BSN: variants seen among roughly 807,000 people sequenced by gnomAD.
The protein encoded by BSN is protein bassoon.
A neutral mutation model predicts 264.8 loss-of-function variants in BSN; 57 were observed. That is an observed-to-expected ratio of 0.22 (90% CI 0.17 to 0.27). The LOEUF (loss-of-function observed/expected upper bound fraction) is 0.27. Ranked by LOEUF, BSN falls within the 10% of genes least tolerant of loss-of-function variation. The probability of loss-of-function intolerance (pLI) is 1.00; values close to 1 mark genes in which losing one functional copy is unlikely to be tolerated. For synonymous variants in BSN, 2,059 were observed against 2,137.3 expected (o/e 0.96, Z 1.01); for missense variants, 4,615 against 5,232.5 (o/e 0.88, Z 3.64).
In BSN at chr3:49,654,337, A is replaced by G. The variant is rs1559615814; in HGVS notation, c.4781A>G (p.Tyr1594Cys). The G allele has an allele frequency of 1.2e-6, 2 of 1,613,494 alleles. No individual in the cohort carries two copies. The highest frequency in any genetic ancestry group is 1.7e-6 in the Non-Finnish European group (2 of 1,179,880). Residue 1594 changes from tyrosine to cysteine, a missense_variant, in exon 5 of 12, where the codon TAC (tyrosine) becomes TGC (cysteine). By Grantham distance (194) the Tyr-to-Cys change is radical. Coordinates refer to ENST00000296452, the MANE Select transcript of BSN (RefSeq NM_003458.4). This position sits in a 1 kb window ranked among gnomAD's most constrained non-coding sequence, Gnocchi z 4.1. ...PTETQPTTHG[Y>C]SQTTPPSVSQ... ...GAAACCCAGCCCACCACCCATGGCT[A>G]CAGCCAGACAACACCTCCGAGTGTG...
intron 5 of BSN, among the ~76,000 whole-genome samples, chr3:49,659,810 G>C (rs77271516): frequency 4.1e-4 from 63 of 152,274 alleles, no homozygotes; most frequent in Non-Finnish European, 8.1e-4. Context: ...CAGGTTGACC[G>C]AGGGACATGG....
In BSN at chr3:49,662,162, G is replaced by C; in HGVS notation, c.10317G>C (p.Gly3439=). The change falls in exon 6 of 12, where the codon GGG becomes GGC. Residue 3439 remains glycine, a synonymous_variant. Coordinates refer to ENST00000296452, the MANE Select transcript of BSN (RefSeq NM_003458.4). Reference sequence around the variant, plus strand: ...TGGAGGACGACCGCATTTATGGCGGGAGCAGCCGGTCCCGGGCACCTTCTG... The same window carrying C: ...TGGAGGACGACCGCATTTATGGCGGCAGCAGCCGGTCCCGGGCACCTTCTG... ...DAVEDDRIYG[G]SSRSRAPSAY... 1 of 1,612,614 alleles carries C rather than the reference G, an allele frequency of 6.2e-7. No homozygotes were observed. Among genetic ancestry groups the C allele is most frequent in the Non-Finnish European group, 8.5e-7 (1 of 1,179,822 alleles).
chr3:49,662,072 C>T lies in BSN; in HGVS notation c.10227C>T (p.Thr3409=), dbSNP rs1441181469. ...GCAGGAAGTTCCAGGATGAAATCACCTATGGGCTCAAGAAGAACGTGTATG... is the reference window on the plus strand; with the variant it reads ...GCAGGAAGTTCCAGGATGAAATCACTTATGGGCTCAAGAAGAACGTGTATG... ...SRGRKFQDEI[T]YGLKKNVYEQ... Residue 3409 remains threonine, a synonymous_variant, in exon 6 of 12, where the codon ACC becomes ACT. Transcript: ENST00000296452. 1.2e-6 allele frequency: 2 copies of T among 1,613,646 alleles called. No homozygotes were observed. Among genetic ancestry groups the T allele is most frequent in the South Asian group, 2.2e-5 (2 of 91,092 alleles).
At chr3:49,603,323 C>G (rs2052086509) in intron 1 of BSN, among the ~76,000 whole-genome samples, 1 of 152,216 alleles carries the variant, frequency 6.6e-6, no homozygotes, top group African/African-American at 2.4e-5. Context: ...CCTAGGTAAA[C>G]TGTTCCTCCT....
chr3:49,654,429 G>T lies in BSN; in HGVS notation c.4873G>T (p.Gly1625Trp). Residue 1625 changes from glycine to tryptophan, a missense_variant, in exon 5 of 12, where the codon GGG becomes TGG. Around this residue, in one of 3 missense-constraint regions of BSN, gnomAD observed 3,415 missense variants for 3,866.4 expected, o/e 0.88. Transcript: ENST00000296452. This position sits in a 1 kb window ranked among gnomAD's most constrained non-coding sequence, Gnocchi z 4.1. ...ACGGGTGCCCAGTGCTGGTGCAGAT[G>T]GGCCCCTGGCACTATATGGCTGGGG... Reference protein sequence around the residue: ...FPRVPSAGADGPLALYGWGAL... With the variant: ...FPRVPSAGADWPLALYGWGAL... 1 of 1,600,362 alleles carries T rather than the reference G, an allele frequency of 6.2e-7. No homozygotes were observed. Among genetic ancestry groups the T allele is most frequent in the Non-Finnish European group, 8.5e-7 (1 of 1,174,110 alleles).
intron 1 of BSN, among the ~76,000 whole-genome samples, chr3:49,613,014 T>C (rs1326267693): frequency 1.3e-5 from 2 of 152,026 alleles, no homozygotes. Flanking sequence ...ATGCCTATAA[T>C]CCCAGCTACT....
chr3:49,559,684 T>G (rs958156770), intron 1 of BSN, among the ~76,000 whole-genome samples: 1 of 152,234 alleles, frequency 6.6e-6, no homozygotes, highest in African/African-American at 2.4e-5. Flanking sequence ...TTTTGCTCCT[T>G]GCAGTTTATT....
intron 11 of BSN, among the ~76,000 whole-genome samples, chr3:49,666,830 G>A (rs1347524568): frequency 6.6e-6 from 1 of 152,202 alleles, no homozygotes; most frequent in Non-Finnish European, 1.5e-5. Context: ...AAGGAGCCTG[G>A]AATTTATTCT....
At chr3:49,607,458 A>G (rs1023905167) in intron 1 of BSN, among the ~76,000 whole-genome samples, 1 of 152,178 alleles carries the variant, frequency 6.6e-6, no homozygotes. Flanking sequence ...GCTTGGCAGT[A>G]TATTACTCAT....
intron 1 of BSN, among the ~76,000 whole-genome samples, chr3:49,616,802 CTCG>C (rs2052262804): frequency 6.6e-6 from 1 of 152,218 alleles, no homozygotes; most frequent in African/African-American, 2.4e-5. Context: ...TGACGCTGGC[CTCG>C]TGCCTTTCTG....
chr3:49,573,032 G>A (rs999884138), intron 1 of BSN, among the ~76,000 whole-genome samples: 1 of 152,222 alleles, frequency 6.6e-6, no homozygotes. Flanking sequence ...TTTCCTAGGT[G>A]CAATGCCAGG....
rs1334290756 is a variant in BSN at position 49,650,705 on chromosome 3, C to G, written c.1612C>G (p.Gln538Glu). The change falls in exon 4 of 12, where the codon CAG becomes GAG. Residue 538 changes from glutamine (Q) to glutamate (E), a missense_variant. Transcript: ENST00000296452. ...PTPLPPPTSQ[Q>E]PPVGAPHRAS... The stretch of plus-strand genomic sequence containing the variant: ...CCCCCTGCCGCCGCCCACCTCACAG[C>G]AGCCCCCTGTAGGGGCCCCTCACCG... The G allele has an allele frequency of 6.2e-7, 1 of 1,612,514 alleles. No homozygotes were observed. The highest frequency in any genetic ancestry group is 8.5e-7 in the Non-Finnish European group (1 of 1,179,620).
Position 49,642,691 on chromosome 3 carries a change from C to T in BSN, c.1057C>T (p.Leu353Phe). Residue 353 changes from leucine (L) to phenylalanine (F), a missense_variant, in exon 3 of 12, where the codon CTT (leucine) becomes TTT (phenylalanine). By Grantham distance (22) the Leu-to-Phe change is conservative. Around this residue, in one of 3 missense-constraint regions of BSN, gnomAD observed 1,197 missense variants for 1,348.0 expected, o/e 0.89. Coordinates refer to ENST00000296452, the MANE Select transcript of BSN (RefSeq NM_003458.4). This position sits in a 1 kb window ranked among gnomAD's most constrained non-coding sequence, Gnocchi z 7.0. ...GGGCCTCACTGGTAAGCTCTTCGGCCTTGGCGCGTCACTGCTAACCCAGGC... is the reference window on the plus strand; with the variant it reads ...GGGCCTCACTGGTAAGCTCTTCGGCTTTGGCGCGTCACTGCTAACCCAGGC... ...QEGLTGKLFG[L>F]GASLLTQAST... 1.2e-6 allele frequency: 2 copies of T among 1,612,936 alleles called. No homozygotes were observed. Among genetic ancestry groups the T allele is most frequent in the Admixed American group, 1.7e-5 (1 of 59,976 alleles).
chr3:49,574,545 T>A (rs1417511148), intron 1 of BSN, among the ~76,000 whole-genome samples: 1 of 151,872 alleles, frequency 6.6e-6, no homozygotes, highest in Non-Finnish European at 1.5e-5. Flanking sequence ...GCGAGTCTCC[T>A]GCCTCAGCCT....
chr3:49,604,180 TC>T, intron 1 of BSN, among the ~76,000 whole-genome samples: 1 of 152,110 alleles, frequency 6.6e-6, no homozygotes, highest in South Asian at 2.1e-4. Flanking sequence ...TGCCTCAGCC[TC>T]CTGAGTAGCT....
chr3:49,633,301 C>CAA (rs77435983), intron 2 of BSN, among the ~76,000 whole-genome samples: 4 of 81,058 alleles, frequency 4.9e-5, no homozygotes, highest in African/African-American at 4.6e-5. Context: ...GACTCTGTCT[C>CAA]AAAAAAAAAA....
chr3:49,580,316 A>G (rs1019729547), intron 1 of BSN, among the ~76,000 whole-genome samples: 2 of 152,148 alleles, frequency 1.3e-5, no homozygotes, highest in Admixed American at 6.5e-5. Context: ...ATCCTGTTCT[A>G]TTTTTTGGAA....
At chr3:49,586,768 G>A (rs983902082) in intron 1 of BSN, among the ~76,000 whole-genome samples, 10 of 152,204 alleles carry the variant, frequency 6.6e-5, no homozygotes, top group Non-Finnish European at 1.3e-4. Flanking sequence ...ATTGGTGTAT[G>A]TGCCTTTTTA....
At position 49,592,097 on chromosome 3, in the gene BSN, C is replaced by T. The variant is rs79269640; in HGVS notation, c.225-32878C>T. On this transcript the variant is annotated intron_variant, in intron 1 of 11. Transcript: ENST00000296452. ...TTTTAAAATTGTGATTATTATTTCTCAATTATTTATTTATTTATTTATTTA... is the reference window on the plus strand; with the variant it reads ...TTTTAAAATTGTGATTATTATTTCTTAATTATTTATTTATTTATTTATTTA... Among the ~76,000 whole-genome samples, 133 of 151,796 alleles carry T rather than the reference C, an allele frequency of 8.8e-4. 2 individuals are homozygous for T. The East Asian group carries it at 0.021, about 24-fold the overall frequency.
Sources: allele counts gnomAD v4.1 joint callset (sites outside exome capture counted in the v4.1 genomes callset), GRCh38; gene constraint gnomAD v4.1.1; regional missense constraint gnomAD v4.1.1; non-coding constraint Gnocchi (gnomAD v3.1); transcripts MANE v1.5; gene names NCBI Gene and HGNC (gene_info 2026-07-23, HGNC 2026-07-21).